The following GRAMD2B variants were observed in gnomAD, a reference collection of about 807,000 sequenced individuals.
The protein encoded by GRAMD2B is GRAM domain-containing protein 2B.
A neutral mutation model predicts 59.2 loss-of-function variants in GRAMD2B; 41 were observed. The ratio of observed to expected loss-of-function variants is 0.69; its 90% CI spans 0.54 to 0.90. The LOEUF (loss-of-function observed/expected upper bound fraction) is 0.90. GRAMD2B is among the 40% of genes least tolerant of loss of function. GRAMD2B has a pLI of 0.00. For missense variants in GRAMD2B, 424 were observed against 500.5 expected (o/e 0.85, Z 1.46); for synonymous variants, 161 against 182.7 (o/e 0.88, Z 0.96).
At chr5:126,486,051 A>C (rs1003829611) in intron 11 of GRAMD2B, among the ~76,000 whole-genome samples, 1 of 151,544 alleles carries the variant, frequency 6.6e-6, no homozygotes, top group South Asian at 2.1e-4. Flanking sequence ...TACCCTTGTT[A>C]TTTTTTTTAC....
chr5:126,438,162 C>T (rs1050447471), intron 1 of GRAMD2B, among the ~76,000 whole-genome samples: 1 of 152,128 alleles, frequency 6.6e-6, no homozygotes, highest in African/African-American at 2.4e-5. Flanking sequence ...CTAGGTGGCT[C>T]AGGAAGCTAC....
intron 1 of GRAMD2B, among the ~76,000 whole-genome samples, chr5:126,406,242 T>A (rs1758254887): frequency 6.6e-6 from 1 of 151,934 alleles, no homozygotes; most frequent in Non-Finnish European, 1.5e-5. Context: ...TTAAAATGGA[T>A]ATACCTAATG....
At chr5:126,408,206 G>C (rs1160847218) in intron 1 of GRAMD2B, among the ~76,000 whole-genome samples, 2 of 152,100 alleles carry the variant, frequency 1.3e-5, no homozygotes, top group Non-Finnish European at 2.9e-5. Context: ...GTGATATTTG[G>C]TTTTCTGTTC....
At chr5:126,368,145 T>C (rs1253454193), upstream of GRAMD2B, among the ~76,000 whole-genome samples, 3 of 152,246 alleles carry the variant, frequency 2.0e-5, no homozygotes, top group Non-Finnish European at 4.4e-5. Flanking sequence ...TATTATATAT[T>C]ATTCATTTTG....
intron 1 of GRAMD2B, among the ~76,000 whole-genome samples, chr5:126,416,669 G>T (rs1029251654): frequency 7.2e-5 from 11 of 152,128 alleles, no homozygotes; most frequent in Admixed American, 6.5e-4. Flanking sequence ...GCACATTGGA[G>T]AACACTGGCC....
intron 1 of GRAMD2B, among the ~76,000 whole-genome samples, chr5:126,463,976 C>T (rs983392353): frequency 2.6e-5 from 4 of 151,138 alleles, no homozygotes; most frequent in Admixed American, 6.6e-5. Context: ...TGCAGTGAGC[C>T]GAGATCGTGC....
At chr5:126,371,506 A>G in exon 1 of GRAMD2B, 2 of 1,289,312 alleles carry the variant, frequency 1.6e-6, no homozygotes, top group Non-Finnish European at 2.0e-6. Context: ...GGGCAGCCCA[A>G]GGAAGGCCAA....
intron 1 of GRAMD2B, among the ~76,000 whole-genome samples, chr5:126,462,943 G>A (rs559096869): frequency 5.9e-5 from 9 of 152,340 alleles, no homozygotes; most frequent in African/African-American, 1.9e-4. Flanking sequence ...CATTGTTTTA[G>A]TAGGACAATA....
At chr5:126,423,382 C>T (rs547935460), upstream of GRAMD2B, 2 of 1,340,960 alleles carry the variant, frequency 1.5e-6, no homozygotes, top group Admixed American at 4.2e-5. Context: ...TTCCCTCCCT[C>T]TCGGCTTTTC....
intron 1 of GRAMD2B, among the ~76,000 whole-genome samples, chr5:126,393,136 C>T (rs1756990597): frequency 6.6e-6 from 1 of 152,078 alleles, no homozygotes; most frequent in Non-Finnish European, 1.5e-5. Flanking sequence ...TCTCCCCTTC[C>T]TCTGTTTCCC....
chr5:126,406,648 G>A (rs1758291021), intron 1 of GRAMD2B, among the ~76,000 whole-genome samples: 3 of 151,974 alleles, frequency 2.0e-5, no homozygotes, highest in Non-Finnish European at 4.4e-5. Context: ...ACTATTTACA[G>A]AGCTTACTTA....
intron 1 of GRAMD2B, among the ~76,000 whole-genome samples, chr5:126,390,859 C>T (rs1375365971): frequency 6.6e-6 from 1 of 152,156 alleles, no homozygotes; most frequent in African/African-American, 2.4e-5. Flanking sequence ...ATTATTACTC[C>T]ATTTTCCATG....
rs1754963544 is a variant in GRAMD2B, at chr5:126,373,856, A to C, written c.125+2289A>C. On this transcript the variant is annotated intron_variant, in intron 1 of 8. Transcript: ENST00000506445. ...GAAGATAGGGAAGAAGTCTAGAGGAAACTGCGAAGAGTGGCACCCATGAAA... is the reference window on the plus strand; with the variant it reads ...GAAGATAGGGAAGAAGTCTAGAGGACACTGCGAAGAGTGGCACCCATGAAA... 2.0e-5 allele frequency among the ~76,000 whole-genome samples: 3 copies of C among 152,168 alleles called. No individual in the cohort carries two copies. In the South Asian group the frequency reaches 6.2e-4, roughly 31 times the overall value.
rs2149752591 is a variant in GRAMD2B at position 126,408,811 on chromosome 5, G to A, written c.125+37244G>A. Among the ~76,000 whole-genome samples, 3 of 148,070 alleles carry A rather than the reference G, an allele frequency of 2.0e-5. No individual in the cohort carries two copies. The South Asian group carries it at 6.6e-4, about 33-fold the overall frequency. ...CCATTAACTCGTCATTTAGCATTAG[G>A]TATATCTCCTAATGCTATCCCTCCC... On this transcript the variant is annotated intron_variant, in intron 1 of 8. Transcript: ENST00000506445.
rs1456798847 is a variant in GRAMD2B, at chr5:126,469,902, A to G, written c.315+114A>G. On this transcript the variant is annotated intron_variant, in intron 3 of 13. Transcript: ENST00000285689. ...TGCTGGTCAAGACTAATATAGGTATAGAGTTTAGAGAATTTAGAAGAACAA... is the reference window on the plus strand; with the variant it reads ...TGCTGGTCAAGACTAATATAGGTATGGAGTTTAGAGAATTTAGAAGAACAA... The G allele has an allele frequency of 7.3e-6, 5 of 682,506 alleles. No individual in the cohort carries two copies. The East Asian group carries it at 1.3e-4, about 18-fold the overall frequency. The allele number at this position is 682,506 out of a possible 1,614,324, so 42.3% of individuals were successfully genotyped here. A position where few individuals can be genotyped will look rare whatever the true frequency, so the allele number is the denominator to read the frequency against.
At chr5:126,463,788 G>A (rs1581150794) in intron 1 of GRAMD2B, among the ~76,000 whole-genome samples, 1 of 152,328 alleles carries the variant, frequency 6.6e-6, no homozygotes, top group East Asian at 1.9e-4. Flanking sequence ...GGAGGCCAAG[G>A]TGGGCAGATC....
intron 1 of GRAMD2B, among the ~76,000 whole-genome samples, chr5:126,387,249 GT>G (rs1001408443): frequency 7.3e-6 from 1 of 137,878 alleles, no homozygotes; most frequent in African/African-American, 2.6e-5. Flanking sequence ...AGCTAAGTGG[GT>G]TTCTTAAAAT....
Position 126,441,410 on chromosome 5 carries a change from G to GCAGGCTGT in GRAMD2B, c.83+17722_83+17729dup, listed in dbSNP as rs1561526516. ...GTCCTCATTGGCGCTGCAGAGGAAA[G>GCAGGCTGT]CAGGCTGTTTGCAACTGCTTTCAGG... On this transcript the variant is annotated intron_variant, in intron 1 of 13. Coordinates refer to ENST00000285689, the MANE Select transcript of GRAMD2B (RefSeq NM_023927.4). 7.9e-5 allele frequency among the ~76,000 whole-genome samples: 12 copies of GCAGGCTGT among 152,334 alleles called. No homozygotes were observed. The South Asian group carries it at 2.5e-3, about 32-fold the overall frequency.
At chr5:126,439,720 CAAT>C (rs1204869975) in intron 1 of GRAMD2B, among the ~76,000 whole-genome samples, 1 of 152,130 alleles carries the variant, frequency 6.6e-6, no homozygotes, top group Non-Finnish European at 1.5e-5. Context: ...TTATAAAAGT[CAAT>C]GATACGGTTT....
Sources: gnomAD v4.1 joint callset for allele counts (sites outside exome capture counted in the v4.1 genomes callset) on GRCh38, gnomAD v4.1.1 for gene constraint, MANE v1.5 for transcripts, NCBI Gene and HGNC (gene_info 2026-07-23, HGNC 2026-07-21) for gene names.